CAST: variants seen among roughly 807,000 people sequenced by gnomAD.
CAST encodes the protein MIR583 host.
In CAST, 76 loss-of-function variants were observed where a neutral mutation model predicts 119.6. That is an observed-to-expected ratio of 0.64 (90% CI 0.53 to 0.77). CAST has a LOEUF of 0.77. CAST is among the 30% of genes least tolerant of loss of function. CAST has a pLI of 0.00. For synonymous variants in CAST, 319 were observed against 331.6 expected (o/e 0.96, Z 0.41); for missense variants, 953 against 946.5 (o/e 1.01, Z -0.09).
chr5:96,385,273 C>T, the CAST span, among the ~76,000 whole-genome samples: 4 of 152,198 alleles, frequency 2.6e-5, no homozygotes, highest in Admixed American at 6.5e-5. Context: ...CAACTTCTCT[C>T]ACCCTTAAAT....
At chr5:96,659,217 A>G (rs1395722788), upstream of CAST, among the ~76,000 whole-genome samples, 1 of 152,262 alleles carries the variant, frequency 6.6e-6, no homozygotes, top group Non-Finnish European at 1.5e-5. Flanking sequence ...AAGAATTACC[A>G]AAATGTGGGT....
chr5:96,433,468 C>A, the CAST span, among the ~76,000 whole-genome samples: 1 of 152,162 alleles, frequency 6.6e-6, no homozygotes. Context: ...AATTCTGTAC[C>A]GTGAGAAACA....
the CAST span, among the ~76,000 whole-genome samples, chr5:96,108,498 C>G: frequency 6.3e-3 from 961 of 152,326 alleles, 14 homozygotes; most frequent in African/African-American, 0.022. Context: ...AGGTGTCAGT[C>G]TGCCCCTGCT....
chr5:96,135,273 T>C, the CAST span, among the ~76,000 whole-genome samples: 4 of 152,086 alleles, frequency 2.6e-5, no homozygotes, highest in Non-Finnish European at 4.4e-5. Context: ...AAAGGGAAAA[T>C]AGAATTATCT....
chr5:96,167,906 C>T, the CAST span, among the ~76,000 whole-genome samples: 2 of 152,124 alleles, frequency 1.3e-5, no homozygotes, highest in East Asian at 3.9e-4. Flanking sequence ...GGGGCCTGAA[C>T]AATCCCTGAG....
the CAST span, among the ~76,000 whole-genome samples, chr5:96,490,755 A>G: frequency 6.6e-4 from 101 of 152,290 alleles, no homozygotes; most frequent in African/African-American, 2.4e-3. Flanking sequence ...AACTCCAGAT[A>G]AATTGTAGAT....
At chr5:96,428,189 A>G in the CAST span, among the ~76,000 whole-genome samples, 2 of 152,194 alleles carry the variant, frequency 1.3e-5, no homozygotes, top group Non-Finnish European at 2.9e-5. Flanking sequence ...AGGGCAAATT[A>G]TCTTACAGTC....
chr5:95,990,568 CT>C, the CAST span, among the ~76,000 whole-genome samples: 1 of 151,928 alleles, frequency 6.6e-6, no homozygotes, highest in African/African-American at 2.4e-5. Flanking sequence ...ATCTTCTAGT[CT>C]TTTTGTTCTA....
the CAST span, among the ~76,000 whole-genome samples, chr5:96,146,084 T>C: frequency 1.3e-5 from 2 of 152,134 alleles, no homozygotes; most frequent in African/African-American, 4.8e-5. Flanking sequence ...GCCCAACTTA[T>C]ATTTAAGGGG....
At chr5:96,554,094 C>G (rs1223752559) in intron 1 of CAST, among the ~76,000 whole-genome samples, 1 of 152,094 alleles carries the variant, frequency 6.6e-6, no homozygotes, top group East Asian at 1.9e-4. Context: ...CCTGCATAGC[C>G]AAGACAATCC....
chr5:96,581,905 T>TAAAC (rs1397470689), intron 1 of CAST, among the ~76,000 whole-genome samples: 6 of 151,452 alleles, frequency 4.0e-5, no homozygotes, highest in African/African-American at 1.2e-4. Context: ...AATAAATAAA[T>TAAAC]AAATAAATAA....
chr5:96,186,909 G>T, the CAST span, among the ~76,000 whole-genome samples: 4 of 152,304 alleles, frequency 2.6e-5, no homozygotes, highest in South Asian at 8.3e-4. Flanking sequence ...ATTTGGAATA[G>T]TATCAGTAGA....
the CAST span, among the ~76,000 whole-genome samples, chr5:96,096,550 G>A: frequency 1.3e-5 from 2 of 152,276 alleles, no homozygotes; most frequent in East Asian, 1.9e-4. Flanking sequence ...TTAGGGAAGA[G>A]GAATTCTTAG....
the CAST span, among the ~76,000 whole-genome samples, chr5:95,974,550 T>C: frequency 6.6e-6 from 1 of 152,256 alleles, no homozygotes. Context: ...TTCTGGCTTC[T>C]GATATTCTGC....
the CAST span, among the ~76,000 whole-genome samples, chr5:96,196,022 C>A: frequency 6.6e-6 from 1 of 152,118 alleles, no homozygotes; most frequent in Non-Finnish European, 1.5e-5. Flanking sequence ...AAGCATAGCT[C>A]CATGTTCCTC....
intron 1 of CAST, among the ~76,000 whole-genome samples, chr5:96,571,914 T>C (rs1746576864): frequency 1.3e-5 from 2 of 152,238 alleles, no homozygotes; most frequent in East Asian, 1.9e-4. Flanking sequence ...AAGTGCTCAA[T>C]GTGTATCATT....
At chr5:96,683,100 C>T (rs1237420308) in intron 2 of CAST, among the ~76,000 whole-genome samples, 3 of 152,118 alleles carry the variant, frequency 2.0e-5, no homozygotes, top group African/African-American at 4.8e-5. Flanking sequence ...AGATAGGTTG[C>T]CTCATGAAGA....
intron 2 of CAST, among the ~76,000 whole-genome samples, chr5:96,681,300 G>T (rs1013335295): frequency 1.3e-5 from 2 of 152,188 alleles, no homozygotes; most frequent in Admixed American, 6.5e-5. Flanking sequence ...TCAAAATTCT[G>T]TATCTATTGC....
the CAST span, among the ~76,000 whole-genome samples, chr5:96,461,861 G>A: frequency 6.6e-6 from 1 of 152,116 alleles, no homozygotes; most frequent in African/African-American, 2.4e-5. Flanking sequence ...AAGTGATTAA[G>A]TCCCAGCTTG....
Sources: gnomAD v4.1 joint callset for allele counts (sites outside exome capture counted in the v4.1 genomes callset) on GRCh38, gnomAD v4.1.1 for gene constraint, MANE v1.5 for transcripts, NCBI Gene and HGNC (gene_info 2026-07-23, HGNC 2026-07-21) for gene names.